The following RAPGEF5 variants were observed in gnomAD, a reference collection of about 807,000 sequenced individuals.
The protein encoded by RAPGEF5 is Rap guanine nucleotide exchange factor 5.
Under a neutral mutation model 125.2 loss-of-function variants are expected in RAPGEF5, and 65 were observed. That is an observed-to-expected ratio of 0.52 (90% CI 0.43 to 0.64). RAPGEF5 has a LOEUF of 0.64. RAPGEF5 is among the 30% of genes least tolerant of loss of function. The pLI, the probability that RAPGEF5 is intolerant of heterozygous loss-of-function variation, is 0.00. For missense variants in RAPGEF5, 958 were observed against 1,048.1 expected (o/e 0.91, Z 1.19); for synonymous variants, 391 against 385.9 (o/e 1.01, Z -0.16).
intron 23 of RAPGEF5, among the ~76,000 whole-genome samples, chr7:22,132,428 C>T (rs754541010): frequency 6.6e-6 from 1 of 151,374 alleles, no homozygotes; most frequent in African/African-American, 2.4e-5. Flanking sequence ...AAACGATTCA[C>T]AACTAATTAC....
At chr7:22,124,404 A>G (rs1352577040) in intron 25 of RAPGEF5, among the ~76,000 whole-genome samples, 1 of 152,206 alleles carries the variant, frequency 6.6e-6, no homozygotes, top group African/African-American at 2.4e-5. Context: ...GAAGAATTAT[A>G]TAGGTATATT....
At chr7:22,180,650 T>A (rs1784645970) in intron 11 of RAPGEF5, among the ~76,000 whole-genome samples, 1 of 152,228 alleles carries the variant, frequency 6.6e-6, no homozygotes, top group Non-Finnish European at 1.5e-5. Flanking sequence ...CAGCTGTGCC[T>A]ACTCACAAAT....
At chr7:22,351,321 G>T (rs764080230) in intron 1 of RAPGEF5, among the ~76,000 whole-genome samples, 1 of 152,158 alleles carries the variant, frequency 6.6e-6, no homozygotes. Context: ...CCAAATAAAA[G>T]TGAAAAGTCT....
chr7:22,276,838 G>A (rs545534109), intron 6 of RAPGEF5, among the ~76,000 whole-genome samples: 163 of 152,286 alleles, frequency 1.1e-3, no homozygotes, highest in Non-Finnish European at 1.7e-3. Flanking sequence ...TGATTGATCC[G>A]ACACAGAGTA....
chr7:22,181,821 TA>T (rs1476464519), intron 11 of RAPGEF5, among the ~76,000 whole-genome samples: 1 of 152,074 alleles, frequency 6.6e-6, no homozygotes, highest in African/African-American at 2.4e-5. Flanking sequence ...AAAATGAGGA[TA>T]ATGGGAAATG....
chr7:22,244,766 G>T (rs1010539701), intron 7 of RAPGEF5, among the ~76,000 whole-genome samples: 2 of 152,140 alleles, frequency 1.3e-5, no homozygotes, highest in African/African-American at 4.8e-5. Context: ...CAAAATGGTA[G>T]GCGACCGCTG....
chr7:22,247,979 G>A (rs1786522732), intron 7 of RAPGEF5, among the ~76,000 whole-genome samples: 1 of 152,108 alleles, frequency 6.6e-6, no homozygotes, highest in Non-Finnish European at 1.5e-5. Context: ...ACTGGATGAG[G>A]GAAAGAGGGA....
At chr7:22,245,551 C>T (rs539139683) in intron 7 of RAPGEF5, among the ~76,000 whole-genome samples, 2 of 152,090 alleles carry the variant, frequency 1.3e-5, no homozygotes, top group Non-Finnish European at 2.9e-5. Context: ...TTTCCCAGCA[C>T]CAATTAAAGA....
intron 1 of RAPGEF5, among the ~76,000 whole-genome samples, chr7:22,330,286 T>A (rs929627004): frequency 1.3e-5 from 2 of 152,192 alleles, no homozygotes; most frequent in South Asian, 2.1e-4. Context: ...CTGGGAAGGA[T>A]GTTGGCACTA....
Position 22,310,014 on chromosome 7 carries a change from T to C in RAPGEF5, c.466A>G (p.Ile156Val). Residue 156 changes from isoleucine to valine, a missense_variant, in exon 4 of 26, where the codon ATA becomes GTA. Transcript: ENST00000665637. ...CPFVQCRSMAIGVWQLLLDMG... is the reference protein window; with the variant it reads ...CPFVQCRSMAVGVWQLLLDMG... ...TCCAGTAGGAGTTGCCAGACTCCTA[T>C]GGCCATAGATCTGCACTGGACGAAA... is the stretch of plus-strand genomic sequence containing the variant. The C allele has an allele frequency of 6.3e-7, 1 of 1,598,470 alleles. No homozygotes were observed.
intron 7 of RAPGEF5, among the ~76,000 whole-genome samples, chr7:22,250,545 C>T (rs1421400607): frequency 6.6e-6 from 1 of 152,020 alleles, no homozygotes; most frequent in Non-Finnish European, 1.5e-5. Context: ...TCTGTTTATC[C>T]AATTAGACTT....
Position 22,284,088 on chromosome 7 carries a change from T to TGTGTGTGTGTGC in RAPGEF5, c.747+7086_747+7087insGCACACACACAC, listed in dbSNP as rs4000939. ...AAAGCTGTGTGTGTGTGTGTGTGTG[T>TGTGTGTGTGTGC]GCGCGTGCATGTGGCAACCTGTATA... On this transcript the variant is annotated intron_variant, in intron 6 of 25. Transcript: ENST00000665637. 4.4e-4 allele frequency among the ~76,000 whole-genome samples: 66 copies of TGTGTGTGTGTGC among 151,454 alleles called. 1 individual carries two copies. The highest frequency in any genetic ancestry group is 1.6e-3 in the African/African-American group (64 of 41,254).
At chr7:22,316,477 ATATATATATATATTTTTT>A (rs1409649941) in intron 2 of RAPGEF5, among the ~76,000 whole-genome samples, 1,496 of 59,054 alleles carry the variant, frequency 0.025, 22 homozygotes, top group East Asian at 0.06. Context: ...ATATATATAT[ATATATATATATATTTTTT>A]TTTTTTTTTT....
At chr7:22,247,692 T>G (rs1289479810) in intron 7 of RAPGEF5, among the ~76,000 whole-genome samples, 3 of 151,798 alleles carry the variant, frequency 2.0e-5, no homozygotes, top group South Asian at 4.2e-4. Context: ...CATAGCAGTA[T>G]GAAAATGCAC....
chr7:22,349,991 G>A (rs558988891), intron 1 of RAPGEF5, among the ~76,000 whole-genome samples: 20 of 152,198 alleles, frequency 1.3e-4, no homozygotes, highest in Admixed American at 1.0e-3. Flanking sequence ...ACCCATTAAC[G>A]AATGATTTAC....
chr7:22,118,892 T>G lies in RAPGEF5; in HGVS notation c.*3514A>C, dbSNP rs978338356. 2.6e-5 allele frequency: 3 copies of G among 117,576 alleles called. No individual in the cohort carries two copies. Among genetic ancestry groups the G allele is most frequent in the South Asian group, 6.0e-4 (2 of 3,348 alleles). 7.3% of individuals were successfully genotyped at this position (117,576 alleles called of 1,614,324 possible). On this transcript the variant is annotated 3_prime_UTR_variant, in exon 26 of 26. Coordinates refer to ENST00000665637, the MANE Select transcript of RAPGEF5 (RefSeq NM_012294.5). ...AACTTTTTGGCAATTTTTAAAAACT[T>G]CCCCCCCGCCCCCCCACCAGTTTTA...
chr7:22,237,555 C>A (rs889472550), intron 7 of RAPGEF5, among the ~76,000 whole-genome samples: 1 of 151,754 alleles, frequency 6.6e-6, no homozygotes, highest in Non-Finnish European at 1.5e-5. Context: ...TTCATTCATC[C>A]TGATTGCTTC....
chr7:22,127,368 T>G lies in RAPGEF5; in HGVS notation c.2482-1710A>C, dbSNP rs74892687. On this transcript the variant is annotated intron_variant, in intron 24 of 25. Transcript: ENST00000665637. ...AAAGTCTTCTTAAATGTACAGCTGC[T>G]TTGGACAAGATCCCATCATCTTATA... is the stretch of plus-strand genomic sequence containing the variant. Among the ~76,000 whole-genome samples the G allele has an allele frequency of 5.1e-3, 770 of 152,324 alleles. 12 individuals carry two copies. The highest frequency in any genetic ancestry group is 0.018 in the African/African-American group (741 of 41,572).
intron 11 of RAPGEF5, among the ~76,000 whole-genome samples, chr7:22,190,190 G>C (rs1784948512): frequency 6.6e-6 from 1 of 152,142 alleles, no homozygotes; most frequent in South Asian, 2.1e-4. Flanking sequence ...TGAGGCAGGA[G>C]AATCGCTTGA....
Sources: allele counts gnomAD v4.1 joint callset (sites outside exome capture counted in the v4.1 genomes callset), GRCh38; gene constraint gnomAD v4.1.1; transcripts MANE v1.5; gene names NCBI Gene and HGNC (gene_info 2026-07-23, HGNC 2026-07-21).